The following WDR7 variants were observed in gnomAD, a reference collection of about 807,000 sequenced individuals.
WDR7 encodes the protein WD repeat-containing protein 7.
In WDR7, 46 loss-of-function variants were observed where a neutral mutation model predicts 169.4. The observed-to-expected ratio is 0.27, with a 90% CI of 0.21 to 0.35. WDR7 has a LOEUF of 0.35. WDR7 is among the 10% of genes least tolerant of loss of function. The pLI, the probability that WDR7 is intolerant of heterozygous loss-of-function variation, is 1.00. For synonymous variants in WDR7, 612 were observed against 666.8 expected, an observed-to-expected ratio of 0.92 and a Z score of 1.27; for missense variants, 1,534 against 1,859.3, an observed-to-expected ratio of 0.83 and a Z score of 3.22.
intron 26 of WDR7, among the ~76,000 whole-genome samples, chr18:56,985,860 C>T (rs1355908225): frequency 6.6e-6 from 1 of 151,862 alleles, no homozygotes; most frequent in Non-Finnish European, 1.5e-5. Flanking sequence ...ATAAAATGTA[C>T]ATGTTTCTTA....
intron 1 of WDR7, among the ~76,000 whole-genome samples, chr18:56,661,383 C>T (rs1050405675): frequency 6.6e-6 from 1 of 152,142 alleles, no homozygotes; most frequent in Admixed American, 6.5e-5. Context: ...ATTATAATAT[C>T]ACCTGCAGAA....
chr18:56,663,067 C>A (rs1039838190), intron 1 of WDR7, among the ~76,000 whole-genome samples: 2 of 152,252 alleles, frequency 1.3e-5, no homozygotes, highest in African/African-American at 4.8e-5. Context: ...GCTGCCCTCT[C>A]ACTGCGTCCT....
intron 12 of WDR7, among the ~76,000 whole-genome samples, chr18:56,717,210 T>G (rs1194580147): frequency 6.6e-6 from 1 of 152,230 alleles, no homozygotes; most frequent in Non-Finnish European, 1.5e-5. Context: ...AATTGTTTTA[T>G]AGAAATCTAG....
At position 57,029,209 on chromosome 18, in the gene WDR7, T is replaced by TC. The variant is rs1644270660; in HGVS notation, c.*2008dup. 6.6e-6 allele frequency: 1 copy of TC among 151,360 alleles called. No individual in the cohort carries two copies. The highest frequency in any genetic ancestry group is 6.6e-5 in the Admixed American group (1 of 15,220). 9.4% of individuals were successfully genotyped at this position (151,360 alleles called of 1,614,324 possible). On this transcript the variant is annotated 3_prime_UTR_variant, in exon 28 of 28. Transcript: ENST00000254442. ...AGCCTGCCGCAAACACACGGATGGC[T>TC]CCCCCCGCCACGAAGGTTGAGAACA...
In WDR7 at chr18:56,702,227, C is replaced by T. The variant is rs533118155; in HGVS notation, c.1578+5765C>T. The stretch of plus-strand genomic sequence containing the variant: ...GATGATCTGACATCGTCCCTTCCAC[C>T]TCCCTCCCAGTTTATTTTACCTTTC... On this transcript the variant is annotated intron_variant, in intron 12 of 27. Coordinates refer to ENST00000254442, the MANE Select transcript of WDR7 (RefSeq NM_015285.3). Among the ~76,000 whole-genome samples, 11 of 152,248 alleles carry T rather than the reference C, an allele frequency of 7.2e-5. No individual in the cohort carries two copies. In the Middle Eastern group the frequency reaches 0.01, roughly 141 times the overall value.
At chr18:56,966,482 A>T (rs1215076859) in intron 26 of WDR7, among the ~76,000 whole-genome samples, 1 of 152,028 alleles carries the variant, frequency 6.6e-6, no homozygotes, top group East Asian at 1.9e-4. Context: ...TATGATTTTA[A>T]TATTTTCTTT....
chr18:56,874,089 A>C (rs1009762139), intron 20 of WDR7: 5 of 152,228 alleles, frequency 3.3e-5, no homozygotes, highest in Non-Finnish European at 7.3e-5. Context: ...CTATGTAAAG[A>C]GTAAAATATA....
intron 20 of WDR7, among the ~76,000 whole-genome samples, chr18:56,836,642 A>T (rs2045401346): frequency 6.6e-6 from 1 of 152,144 alleles, no homozygotes; most frequent in African/African-American, 2.4e-5. Flanking sequence ...GTCTATTTTC[A>T]TCTATTTTCC....
chr18:56,778,126 C>T (rs1048964794), intron 17 of WDR7, among the ~76,000 whole-genome samples: 3 of 152,038 alleles, frequency 2.0e-5, no homozygotes, highest in African/African-American at 7.2e-5. Flanking sequence ...AAATGTGTTT[C>T]CATCACCTTA....
At chr18:56,833,867 A>G (rs980720163) in intron 20 of WDR7, among the ~76,000 whole-genome samples, 1 of 152,200 alleles carries the variant, frequency 6.6e-6, no homozygotes, top group African/African-American at 2.4e-5. Flanking sequence ...TACATAATAA[A>G]TTAGCACAAA....
At chr18:56,678,495 C>A (rs2025288507) in intron 2 of WDR7, among the ~76,000 whole-genome samples, 1 of 29,242 alleles carries the variant, frequency 3.4e-5, no homozygotes, top group African/African-American at 6.8e-5. Flanking sequence ...CCCAGTAACA[C>A]TGTGGTCTTT....
At chr18:56,753,716 G>C (rs1281667288) in intron 14 of WDR7, among the ~76,000 whole-genome samples, 1 of 151,838 alleles carries the variant, frequency 6.6e-6, no homozygotes, top group African/African-American at 2.4e-5. Flanking sequence ...GTCGATGGAA[G>C]AGAAGGGATT....
chr18:57,019,334 A>G (rs1237013887), intron 26 of WDR7, among the ~76,000 whole-genome samples: 2 of 152,218 alleles, frequency 1.3e-5, no homozygotes, highest in Non-Finnish European at 2.9e-5. Flanking sequence ...GTTAGATATT[A>G]TCATTATCAT....
intron 21 of WDR7, among the ~76,000 whole-genome samples, chr18:56,883,070 T>C (rs1443360526): frequency 6.6e-6 from 1 of 151,968 alleles, no homozygotes; most frequent in Non-Finnish European, 1.5e-5. Context: ...ATTGGCCAGA[T>C]GCGGTGGCAG....
At chr18:56,783,992 GTAATACCTACCAT>G (rs1169059911) in intron 19 of WDR7, among the ~76,000 whole-genome samples, 1 of 152,180 alleles carries the variant, frequency 6.6e-6, no homozygotes, top group Non-Finnish European at 1.5e-5. Flanking sequence ...AAGTAAAATA[GTAATACCTACCAT>G]TAATTGGACA....
At chr18:56,694,792 ATTAAT>A in intron 10 of WDR7, 32 bp downstream of exon 10, 2 of 1,577,864 alleles carry the variant, frequency 1.3e-6, no homozygotes, top group African/African-American at 2.7e-5. Context: ...CAATTTCTTA[ATTAAT>A]TTAATATCTT....
At chr18:56,970,937 A>T (rs757731412) in intron 26 of WDR7, among the ~76,000 whole-genome samples, 1 of 152,200 alleles carries the variant, frequency 6.6e-6, no homozygotes, top group Non-Finnish European at 1.5e-5. Context: ...AGCAACTGTG[A>T]ATAATGGAAA....
Position 56,898,127 on chromosome 18 carries a change from C to G in WDR7, c.3526+17962C>G, listed in dbSNP as rs60595281. Among the ~76,000 whole-genome samples the G allele has an allele frequency of 5.0e-3, 756 of 151,958 alleles. 6 individuals carry two copies. Among genetic ancestry groups the G allele is most frequent in the African/African-American group, 0.017 (721 of 41,514 alleles). On this transcript the variant is annotated intron_variant, in intron 21 of 27. Transcript: ENST00000254442. ...GGGCTTAAAAAGGATAGGGGCACGT[C>G]AAAAGGACATGGGACCAACCTGAAG... is the stretch of plus-strand genomic sequence containing the variant.
At chr18:56,719,642 G>A (rs2026276394) in intron 13 of WDR7, among the ~76,000 whole-genome samples, 1 of 150,236 alleles carries the variant, frequency 6.7e-6, no homozygotes, top group African/African-American at 2.4e-5. Flanking sequence ...TTTATGTTAT[G>A]TCCTATCTGC....
Sources: allele counts gnomAD v4.1 joint callset (sites outside exome capture counted in the v4.1 genomes callset), GRCh38; gene constraint gnomAD v4.1.1; transcripts MANE v1.5; gene names NCBI Gene and HGNC (gene_info 2026-07-23, HGNC 2026-07-21).